The following SLC36A1 variants were observed in gnomAD, a reference collection of about 807,000 sequenced individuals.
SLC36A1 encodes proton-coupled amino acid transporter 1.
SLC36A1 carries 30 observed loss-of-function variants against 47.5 expected under a neutral mutation model. The ratio of observed to expected loss-of-function variants is 0.63; its 90% confidence interval spans 0.47 to 0.86. The LOEUF is 0.86. SLC36A1 is among the 40% of genes least tolerant of loss of function. SLC36A1 has a pLI of 0.00. For synonymous variants in SLC36A1, 255 were observed against 249.7 expected (o/e 1.02, Z -0.20); for missense variants, 517 against 606.0 (o/e 0.85, Z 1.54).
At chr5:151,362,911 T>G in the SLC36A1 span, among the ~76,000 whole-genome samples, 2 of 152,266 alleles carry the variant, frequency 1.3e-5, no homozygotes, top group African/African-American at 4.8e-5. Flanking sequence ...AGCTCACATA[T>G]CACAGTCTTG....
chr5:151,521,298 C>A, the SLC36A1 span: 2 of 1,610,788 alleles, frequency 1.2e-6, no homozygotes, highest in South Asian at 1.1e-5. Context: ...AGCTCCTCTG[C>A]AGGTGGTGCC....
upstream of SLC36A1, among the ~76,000 whole-genome samples, chr5:151,433,853 A>G (rs1398590826): frequency 1.3e-5 from 2 of 151,516 alleles, no homozygotes; most frequent in African/African-American, 2.4e-5. Context: ...ATAAATCAAT[A>G]TCCCACCCCC....
At chr5:151,473,621 T>G in intron 7 of SLC36A1, 52 bp from the exon 8 acceptor site, 1 of 1,204,974 alleles carries the variant, frequency 8.3e-7, no homozygotes, top group Non-Finnish European at 1.2e-6. Context: ...AATCTTGAAT[T>G]TCTGTATAGC....
intron 1 of SLC36A1, among the ~76,000 whole-genome samples, chr5:151,452,766 AG>A (rs1277815298): frequency 6.6e-6 from 1 of 151,782 alleles, no homozygotes; most frequent in African/African-American, 2.4e-5. Context: ...GCCACTCGGG[AG>A]GCTGAGGCAG....
chr5:151,511,992 C>G, the SLC36A1 span: 7 of 622,104 alleles, frequency 1.1e-5, no homozygotes, highest in Middle Eastern at 4.4e-4. Context: ...AAGGAAGACT[C>G]CTGGCTTCCC....
the SLC36A1 span, among the ~76,000 whole-genome samples, chr5:151,413,611 G>A: frequency 0.022 from 3,379 of 152,102 alleles, 126 homozygotes; most frequent in African/African-American, 0.077. Flanking sequence ...TTTAATGTGT[G>A]TTTTTGCAGG....
chr5:151,490,620 GTT>G lies in SLC36A1; in HGVS notation c.*2367_*2368del. The G allele has an allele frequency of 6.6e-6, 1 of 152,330 alleles. No homozygotes were observed. Among genetic ancestry groups the G allele is most frequent in the East Asian group, 1.9e-4 (1 of 5,196 alleles). The allele number at this position is 152,330 out of a possible 1,614,324, so 9.4% of individuals were successfully genotyped here. A position where few individuals can be genotyped will look rare whatever the true frequency, so the allele number is the denominator to read the frequency against. On this transcript the variant is annotated 3_prime_UTR_variant, in exon 11 of 11. Coordinates refer to ENST00000243389, the MANE Select transcript of SLC36A1 (RefSeq NM_078483.4). ...CCGTGAGAACGTGGTATGTAGGAGA[GTT>G]GGCTGTAGCTTTAGGATTTCTGGAA...
At chr5:151,484,957 A>G (rs565171280) in intron 10 of SLC36A1, among the ~76,000 whole-genome samples, 5 of 152,094 alleles carry the variant, frequency 3.3e-5, no homozygotes, top group African/African-American at 1.2e-4. Flanking sequence ...CACTGCAAGG[A>G]TGACATTAGG....
chr5:151,363,431 G>A, the SLC36A1 span, among the ~76,000 whole-genome samples: 1 of 152,086 alleles, frequency 6.6e-6, no homozygotes, highest in African/African-American at 2.4e-5. Context: ...TCACTTCTCT[G>A]TGGCCCTGGG....
chr5:151,346,882 G>A, the SLC36A1 span, among the ~76,000 whole-genome samples: 1 of 152,218 alleles, frequency 6.6e-6, no homozygotes, highest in African/African-American at 2.4e-5. Context: ...ATACTTAGTG[G>A]TCAGTGAGGC....
chr5:151,464,047 G>A (rs1755973827), intron 3 of SLC36A1, among the ~76,000 whole-genome samples: 1 of 152,166 alleles, frequency 6.6e-6, no homozygotes, highest in Non-Finnish European at 1.5e-5. Flanking sequence ...TTCTTTTTGT[G>A]ATTTACCTCC....
chr5:151,473,903 T>A, intron 8 of SLC36A1, 132 bp downstream of exon 8: 1 of 726,430 alleles, frequency 1.4e-6, no homozygotes, highest in Non-Finnish European at 2.4e-6. Context: ...CTCACGCCTG[T>A]AATCTCAGCA....
the SLC36A1 span, chr5:151,366,471 C>A: frequency 3.6e-6 from 1 of 280,310 alleles, no homozygotes; most frequent in South Asian, 3.9e-5. Flanking sequence ...AGGTCCCCAC[C>A]AAAAATCCCA....
the SLC36A1 span, among the ~76,000 whole-genome samples, chr5:151,345,924 C>A: frequency 6.6e-6 from 1 of 152,150 alleles, no homozygotes; most frequent in Non-Finnish European, 1.5e-5. Flanking sequence ...GAGGAGAGAA[C>A]TATCATTGAC....
At chr5:151,542,441 T>C in the SLC36A1 span, 2 of 1,614,064 alleles carry the variant, frequency 1.2e-6, no homozygotes, top group East Asian at 2.2e-5. Context: ...TCATCTGTAA[T>C]GGAGACCTGA....
At chr5:151,551,717 A>T in the SLC36A1 span, 1 of 1,090,266 alleles carries the variant, frequency 9.2e-7, no homozygotes, top group Non-Finnish European at 1.3e-6. Context: ...ATTCCACAGT[A>T]CAAGATCTGA....
chr5:151,400,804 C>T, the SLC36A1 span, among the ~76,000 whole-genome samples: 1 of 151,992 alleles, frequency 6.6e-6, no homozygotes, highest in Admixed American at 6.6e-5. Context: ...TGTTTGGTGG[C>T]CACTTGTATG....
the SLC36A1 span, among the ~76,000 whole-genome samples, chr5:151,551,219 C>G: frequency 1.3e-5 from 2 of 152,144 alleles, no homozygotes; most frequent in African/African-American, 2.4e-5. Flanking sequence ...CATAGTAGCC[C>G]CATTGTACTC....
the SLC36A1 span, among the ~76,000 whole-genome samples, chr5:151,429,202 T>G: frequency 2.6e-5 from 4 of 151,748 alleles, no homozygotes; most frequent in African/African-American, 4.8e-5. Context: ...ATTTTTATTT[T>G]TTAAAATTTT....
Sources: allele counts gnomAD v4.1 joint callset (sites outside exome capture counted in the v4.1 genomes callset), GRCh38; gene constraint gnomAD v4.1.1; transcripts MANE v1.5; gene names NCBI Gene and HGNC (gene_info 2026-07-23, HGNC 2026-07-21).